Variants in CCDC88C observed in about 807,000 individuals in gnomAD.
CCDC88C encodes protein Daple.
CCDC88C carries 131 observed loss-of-function variants against 198.8 expected under a neutral mutation model. The ratio of observed to expected loss-of-function variants is 0.66; its 90% CI spans 0.57 to 0.76. The LOEUF is 0.76. Ranked by LOEUF, CCDC88C falls within the 30% of genes least tolerant of loss-of-function variation. The pLI, the probability that CCDC88C is intolerant of heterozygous loss-of-function variation, is 0.00. For missense variants in CCDC88C, 2,553 were observed against 2,631.6 expected (o/e 0.97, Z 0.65); for synonymous variants, 1,166 against 1,114.7 (o/e 1.05, Z -0.92).
chr14:91,315,128 T>A (rs1173662867), intron 14 of CCDC88C, among the ~76,000 whole-genome samples: 1 of 152,088 alleles, frequency 6.6e-6, no homozygotes, highest in East Asian at 1.9e-4. Context: ...GCCCTCCACC[T>A]TTCTCCTGCT....
At position 91,322,904 on chromosome 14, in the gene CCDC88C, CTTTTTT is replaced by C. The variant is rs35728972; in HGVS notation, c.1343-1606_1343-1601del. On this transcript the variant is annotated intron_variant, in intron 12 of 29. Transcript: ENST00000389857. ...TTACTACTAAAACGCCAGTGTTTCTCTTTTTTTTTTTTTTTTTTTGAGACAGAATCT... is the reference window on the plus strand; with the variant it reads ...TTACTACTAAAACGCCAGTGTTTCTCTTTTTTTTTTTTTGAGACAGAATCT... Among the ~76,000 whole-genome samples the C allele has an allele frequency of 1.3e-3, 166 of 127,518 alleles. 1 individual carries two copies. Among genetic ancestry groups the C allele is most frequent in the African/African-American group, 4.7e-3 (161 of 34,396 alleles). The allele number at this position is 127,518 out of a possible 152,430, so 83.7% of individuals were successfully genotyped here. A position where few individuals can be genotyped will look rare whatever the true frequency, so the allele number is the denominator to read the frequency against.
At chr14:91,297,236 C>A in intron 22 of CCDC88C, 69 bp downstream of exon 22, 6 of 1,501,108 alleles carry the variant, frequency 4.0e-6, no homozygotes, top group Non-Finnish European at 5.5e-6. Flanking sequence ...CACAGCTTGG[C>A]TGAGCCCTGG....
chr14:91,272,747 C>T lies in CCDC88C; in HGVS notation c.5965G>A (p.Ala1989Thr), dbSNP rs1488680257. Residue 1989 changes from alanine to threonine, a missense_variant, in exon 30 of 30, where the codon GCT becomes ACT. Around this residue, in one of 2 missense-constraint regions of CCDC88C, gnomAD observed 1,293 missense variants for 1,219.6 expected, o/e 1.06. Coordinates refer to ENST00000389857, the MANE Select transcript of CCDC88C (RefSeq NM_001080414.4). Reference protein sequence around the residue: ...AKSPGRSPDLAPHLGRALEDC... With the variant: ...AKSPGRSPDLTPHLGRALEDC... The stretch of plus-strand genomic sequence containing the variant: ...TCCAGGGCCCGGCCGAGGTGGGGAG[C>T]CAAATCGGGAGACCGACCTGGGCTC... The T allele has an allele frequency of 1.2e-6, 2 of 1,608,774 alleles. No homozygotes were observed. Among genetic ancestry groups the T allele is most frequent in the African/African-American group, 1.3e-5 (1 of 74,916 alleles).
intron 12 of CCDC88C, among the ~76,000 whole-genome samples, chr14:91,322,904 CTT>C (rs35728972): frequency 1.3e-4 from 16 of 127,500 alleles, no homozygotes; most frequent in South Asian, 2.6e-4. Flanking sequence ...CAGTGTTTCT[CTT>C]TTTTTTTTTT....
chr14:91,395,124 G>A (rs895141966), intron 3 of CCDC88C, among the ~76,000 whole-genome samples: 1 of 152,180 alleles, frequency 6.6e-6, no homozygotes, highest in Non-Finnish European at 1.5e-5. Flanking sequence ...TGAGGGGTAC[G>A]CTCAAAGGAA....
chr14:91,273,049 A>AG lies in CCDC88C; in HGVS notation c.5662dup (p.Leu1888ProfsTer88), dbSNP rs749782727. 6.4e-7 allele frequency: 1 copy of AG among 1,555,984 alleles called. No individual in the cohort carries two copies. Among genetic ancestry groups the AG allele is most frequent in the Non-Finnish European group, 8.7e-7 (1 of 1,152,342 alleles). ...CAGCCTCTCCTCCTTTGGGGGAGCC[A>AG]GGGAGAAGCGCCTCGTGTCCAGCGG... is the stretch of plus-strand genomic sequence containing the variant. On this transcript the variant is annotated frameshift_variant, in exon 30 of 30. Coordinates refer to ENST00000389857, the MANE Select transcript of CCDC88C (RefSeq NM_001080414.4). LOFTEE classifies it low-confidence loss of function (END_TRUNC). The surrounding 1 kb of genome is among the most constrained non-coding windows in gnomAD (Gnocchi z 5.6).
intron 27 of CCDC88C, among the ~76,000 whole-genome samples, chr14:91,280,737 G>C (rs1890161765): frequency 6.6e-6 from 1 of 152,152 alleles, no homozygotes; most frequent in Non-Finnish European, 1.5e-5. Flanking sequence ...CCTCCACTCA[G>C]TGTAAAGATG....
At chr14:91,365,563 C>T (rs1894496412) in intron 3 of CCDC88C, among the ~76,000 whole-genome samples, 1 of 152,222 alleles carries the variant, frequency 6.6e-6, no homozygotes, top group Admixed American at 6.5e-5. Flanking sequence ...TCGCCACGGG[C>T]TCAATGTCTT....
In CCDC88C at chr14:91,289,234, C is replaced by G. The variant is rs553553889; in HGVS notation, c.4312G>C (p.Glu1438Gln). The G allele has an allele frequency of 1.9e-6, 3 of 1,614,056 alleles. No individual in the cohort carries two copies. Among genetic ancestry groups the G allele is most frequent in the Admixed American group, 3.3e-5 (2 of 60,034 alleles). The change falls in exon 25 of 30, where the codon GAG (glutamate) becomes CAG (glutamine). Residue 1438 changes from glutamate (E) to glutamine (Q), a missense_variant. Coordinates refer to ENST00000389857, the MANE Select transcript of CCDC88C (RefSeq NM_001080414.4). Reference sequence around the variant, plus strand: ...GCCGGCGAGGCGGGGTCTGAGGACTCCAGCTGCCAGGGAGGGCTGTCCACG... The same window carrying G: ...GCCGGCGAGGCGGGGTCTGAGGACTGCAGCTGCCAGGGAGGGCTGTCCACG... ...STVDSPPWQL[E>Q]SSDPASPAAS...
At chr14:91,279,049 G>A (rs978924527) in intron 28 of CCDC88C, among the ~76,000 whole-genome samples, 189 bp downstream of exon 28, 1 of 151,858 alleles carries the variant, frequency 6.6e-6, no homozygotes. Flanking sequence ...CCACAGGCAT[G>A]CGCCACCACG....
At chr14:91,414,740 G>A (rs1199082254) in intron 2 of CCDC88C, among the ~76,000 whole-genome samples, 1 of 152,146 alleles carries the variant, frequency 6.6e-6, no homozygotes, top group Non-Finnish European at 1.5e-5. Flanking sequence ...CTCATCCTGA[G>A]GGACCCAGAA....
chr14:91,292,619 TGTGACCACA>T (rs1216311521), intron 23 of CCDC88C, among the ~76,000 whole-genome samples: 1 of 152,120 alleles, frequency 6.6e-6, no homozygotes, highest in Non-Finnish European at 1.5e-5. Flanking sequence ...CAGTGTTCAC[TGTGACCACA>T]GTGACCACGT....
At position 91,352,226 on chromosome 14, in the gene CCDC88C, C is replaced by G. The variant is rs944806299; in HGVS notation, c.340+7416G>C. On this transcript the variant is annotated intron_variant, in intron 4 of 29. Coordinates refer to ENST00000389857, the MANE Select transcript of CCDC88C (RefSeq NM_001080414.4). The surrounding 1 kb of genome is among the most constrained non-coding windows in gnomAD (Gnocchi z 4.2). Reference sequence around the variant, plus strand: ...TGGCTGTTGCAGCCAGCGGCGTTCTCTGTGTGCCTGGGCCATCGCTAGGAA... The same window carrying G: ...TGGCTGTTGCAGCCAGCGGCGTTCTGTGTGTGCCTGGGCCATCGCTAGGAA... Among the ~76,000 whole-genome samples the G allele has an allele frequency of 6.6e-6, 1 of 152,260 alleles. No individual in the cohort carries two copies. Among genetic ancestry groups the G allele is most frequent in the African/African-American group, 2.4e-5 (1 of 41,478 alleles).
chr14:91,378,976 C>T (rs539428509), intron 3 of CCDC88C: 2 of 152,226 alleles, frequency 1.3e-5, no homozygotes, highest in Non-Finnish European at 2.9e-5. Context: ...GCAGAAGTTA[C>T]TCCGGGATAC....
In CCDC88C at chr14:91,303,960, T is replaced by G; in HGVS notation, c.3376A>C (p.Ser1126Arg). 6.2e-7 allele frequency: 1 copy of G among 1,604,684 alleles called. No homozygotes were observed. The highest frequency in any genetic ancestry group is 8.5e-7 in the Non-Finnish European group (1 of 1,177,636). ...AKLQVENSTLSSQSAALTAQY... is the reference protein window; with the variant it reads ...AKLQVENSTLRSQSAALTAQY... ...GCGGTGAGCGCTGCGCTCTGGGAAC[T>G]CAGCGTGGAGTTCTCCACCTGCCGA... The change falls in exon 20 of 30, where the codon AGT (serine) becomes CGT (arginine). Residue 1126 changes from serine to arginine, a missense_variant. Coordinates refer to ENST00000389857, the MANE Select transcript of CCDC88C (RefSeq NM_001080414.4).
chr14:91,338,842 C>T lies in CCDC88C; in HGVS notation c.810-272G>A, dbSNP rs1468406243. The stretch of plus-strand genomic sequence containing the variant: ...GGGGCAGGTAAGGAGACCCCAGCGG[C>T]AGCTGTACCACCCCACAGCCAGGCT... On this transcript the variant is annotated intron_variant, in intron 8 of 29. Coordinates refer to ENST00000389857, the MANE Select transcript of CCDC88C (RefSeq NM_001080414.4). The surrounding 1 kb of genome is among the most constrained non-coding windows in gnomAD (Gnocchi z 4.8). The T allele has an allele frequency of 9.8e-6, 5 of 508,482 alleles. No individual in the cohort carries two copies. Among genetic ancestry groups the T allele is most frequent in the Admixed American group, 3.2e-5 (1 of 31,024 alleles). The allele number at this position is 508,482 out of a possible 1,614,324, so 31.5% of individuals were successfully genotyped here. A position where few individuals can be genotyped will look rare whatever the true frequency, so the allele number is the denominator to read the frequency against.
At chr14:91,327,194 C>T (rs978235153) in intron 10 of CCDC88C, among the ~76,000 whole-genome samples, 8 of 152,232 alleles carry the variant, frequency 5.3e-5, no homozygotes, top group Non-Finnish European at 1.0e-4. Flanking sequence ...GTTTGTCCCA[C>T]TCACGAATCA....
chr14:91,278,192 A>G lies in CCDC88C; in HGVS notation c.4788T>C (p.His1596=), dbSNP rs1446605729. The change falls in exon 29 of 30, where the codon CAT becomes CAC. Residue 1596 remains histidine (H), a synonymous_variant. Transcript: ENST00000389857. Reference sequence around the variant, plus strand: ...CGCTGCTGAAGCTCTCAGACCGGCCATGGAGCTGCTCGGAGGAGCCTGGGT... The same window carrying G: ...CGCTGCTGAAGCTCTCAGACCGGCCGTGGAGCTGCTCGGAGGAGCCTGGGT... ...LNLKGSSEQL[H]GRSESFSSED... 2.5e-6 allele frequency: 4 copies of G among 1,607,238 alleles called. No homozygotes were observed. The highest frequency in any genetic ancestry group is 2.7e-5 in the African/African-American group (2 of 74,828).
At chr14:91,318,101 TGCTA>T (rs1892185026) in intron 13 of CCDC88C, among the ~76,000 whole-genome samples, 2 of 152,216 alleles carry the variant, frequency 1.3e-5, no homozygotes, top group Admixed American at 1.3e-4. Flanking sequence ...ACATTTCCCG[TGCTA>T]GGCCCACATG....
Sources: gnomAD v4.1 joint callset for allele counts (sites outside exome capture counted in the v4.1 genomes callset) on GRCh38, gnomAD v4.1.1 for gene constraint, gnomAD v4.1.1 regional missense constraint, Gnocchi (gnomAD v3.1) non-coding constraint, MANE v1.5 for transcripts, NCBI Gene and HGNC (gene_info 2026-07-23, HGNC 2026-07-21) for gene names.